Variants in TOPBP1 observed in about 807,000 individuals in gnomAD.
TOPBP1 encodes the protein DNA topoisomerase 2-binding protein 1.
Under a neutral mutation model 167.7 loss-of-function variants are expected in TOPBP1, and 28 were observed. The ratio of observed to expected loss-of-function variants is 0.17; its 90% confidence interval spans 0.12 to 0.23. The LOEUF (loss-of-function observed/expected upper bound fraction) is 0.23. Among genes scored for constraint, TOPBP1 ranks in the 10% least tolerant of loss-of-function variants. TOPBP1 has a pLI of 1.00. For synonymous variants in TOPBP1, 598 were observed against 611.4 expected, an observed-to-expected ratio of 0.98 and a Z score of 0.32; for missense variants, 1,554 against 1,809.6, an observed-to-expected ratio of 0.86 and a Z score of 2.56.
chr3:133,660,329 A>G (rs1936649175), intron 2 of TOPBP1, among the ~76,000 whole-genome samples: 1 of 152,144 alleles, frequency 6.6e-6, no homozygotes, highest in Non-Finnish European at 1.5e-5. Flanking sequence ...ATCATGTCTG[A>G]TTAGTGTCTA....
chr3:133,634,242 C>T (rs961097339), intron 14 of TOPBP1, among the ~76,000 whole-genome samples: 3 of 152,228 alleles, frequency 2.0e-5, no homozygotes, highest in Non-Finnish European at 2.9e-5. Context: ...GGTGTTGTGG[C>T]TCATGCCTGT....
chr3:133,625,947 G>C (rs1935252743), intron 16 of TOPBP1, among the ~76,000 whole-genome samples: 1 of 152,130 alleles, frequency 6.6e-6, no homozygotes, highest in Non-Finnish European at 1.5e-5. Context: ...ATTTTTGCCT[G>C]AATCAATTTG....
chr3:133,638,107 T>C lies in TOPBP1; in HGVS notation c.2289A>G (p.Ala763=). The part of the protein sequence containing the change: ...TNGINLNSDT[A]EHPGTRLQTH... ...TTTGCAGGCGTGTGCCAGGATGCTC[T>C]GCAGTATCTGAATTTAGATTGATTC... Residue 763 remains alanine (A), a synonymous_variant, in exon 14 of 28, where the codon GCA becomes GCG. Coordinates refer to ENST00000260810, the MANE Select transcript of TOPBP1 (RefSeq NM_007027.4). 6.2e-7 allele frequency: 1 copy of C among 1,614,024 alleles called. No homozygotes were observed. Among genetic ancestry groups the C allele is most frequent in the Non-Finnish European group, 8.5e-7 (1 of 1,179,874 alleles).
At chr3:133,633,726 G>C (rs142764485) in intron 14 of TOPBP1, among the ~76,000 whole-genome samples, 1 of 152,294 alleles carries the variant, frequency 6.6e-6, no homozygotes, top group East Asian at 1.9e-4. Flanking sequence ...CAGAGGTCAA[G>C]GCTATAATGG....
At position 133,635,333 on chromosome 3, in the gene TOPBP1, A is replaced by G. The variant is rs542757730; in HGVS notation, c.2520+2543T>C. Among the ~76,000 whole-genome samples the G allele has an allele frequency of 9.8e-5, 15 of 152,310 alleles. No individual in the cohort carries two copies. The South Asian group carries it at 2.9e-3, about 29-fold the overall frequency. On this transcript the variant is annotated intron_variant, in intron 14 of 27. Coordinates refer to ENST00000260810, the MANE Select transcript of TOPBP1 (RefSeq NM_007027.4). ...CAGTGGTAGGATGATAGCTCACTGC[A>G]GCCTCAAACTCCTGGGCTCAAGCCA...
At chr3:133,658,009 T>A (rs1936539842) in intron 3 of TOPBP1, 68 bp from the exon 4 acceptor site, 1 of 1,305,224 alleles carries the variant, frequency 7.7e-7, no homozygotes, top group Non-Finnish European at 1.0e-6. Flanking sequence ...AAATTACATT[T>A]TGTAACATTC....
intron 14 of TOPBP1, 26 bp downstream of exon 14, chr3:133,637,850 C>T (rs761111432): frequency 6.2e-7 from 1 of 1,608,220 alleles, no homozygotes; most frequent in South Asian, 1.1e-5. Flanking sequence ...ACTGTTAACT[C>T]TGGGACCACT....
rs747101033 is a variant in TOPBP1 at position 133,623,343 on chromosome 3, G to A, written c.3043C>T (p.Leu1015Phe). The change falls in exon 18 of 28, where the codon CTC becomes TTC. Residue 1015 changes from leucine (L) to phenylalanine (F), a missense_variant. Physicochemically the swap from Leu to Phe is conservative, Grantham distance 22. This residue lies in a region of TOPBP1 where 1,197 missense variants were observed against 1,351.5 expected (regional missense o/e 0.89). Transcript: ENST00000260810. The stretch of plus-strand genomic sequence containing the variant: ...TCCTTTGTTGAAGACACAGCTGAGA[G>A]TAGTCGACTATTACAGAGCCGGCCA... ...QDGRLCNSRL[L>F]SAVSSTKDDE... 1.2e-6 allele frequency: 2 copies of A among 1,613,712 alleles called. No individual in the cohort carries two copies. Among genetic ancestry groups the A allele is most frequent in the East Asian group, 2.2e-5 (1 of 44,844 alleles).
rs771091784 is a variant in TOPBP1 at position 133,617,277 on chromosome 3, T to G, written c.3642A>C (p.Pro1214=). ...NIRVTEAPKH[P]ISEELETPIK... Reference sequence around the variant, plus strand: ...TGGGAGTTTCCAGTTCTTCAGAGATTGGGTGTTTGGGAGCTTCAGTCACAC... The same window carrying G: ...TGGGAGTTTCCAGTTCTTCAGAGATGGGGTGTTTGGGAGCTTCAGTCACAC... The change falls in exon 22 of 28, where the codon CCA becomes CCC. Residue 1214 remains proline (P), a synonymous_variant. Transcript: ENST00000260810. 6.2e-7 allele frequency: 1 copy of G among 1,613,562 alleles called. No individual in the cohort carries two copies. Among genetic ancestry groups the G allele is most frequent in the Non-Finnish European group, 8.5e-7 (1 of 1,179,760 alleles).
chr3:133,652,963 A>G (rs3772680), intron 7 of TOPBP1, among the ~76,000 whole-genome samples: 60,772 of 152,090 alleles, frequency 0.4, 12,725 homozygotes, highest in East Asian at 0.54. Flanking sequence ...TACAAAATAG[A>G]AATGGTTTTA....
Position 133,638,111 on chromosome 3 carries a change from G to A in TOPBP1, c.2285C>T (p.Thr762Ile). 3 of 1,614,000 alleles carry A rather than the reference G, an allele frequency of 1.9e-6. No homozygotes were observed. The highest frequency in any genetic ancestry group is 2.5e-6 in the Non-Finnish European group (3 of 1,179,874). ...ITNGINLNSD[T>I]AEHPGTRLQT... ...CAGGCGTGTGCCAGGATGCTCTGCA[G>A]TATCTGAATTTAGATTGATTCCATT... Residue 762 changes from threonine to isoleucine, a missense_variant, in exon 14 of 28, where the codon ACT becomes ATT. Coordinates refer to ENST00000260810, the MANE Select transcript of TOPBP1 (RefSeq NM_007027.4).
At chr3:133,609,012 T>C in intron 25 of TOPBP1, 50 bp from the exon 26 acceptor site, 1 of 1,351,640 alleles carries the variant, frequency 7.4e-7, no homozygotes, top group Non-Finnish European at 1.0e-6. Flanking sequence ...AATAACAAAA[T>C]AATACAGATA....
intron 27 of TOPBP1, among the ~76,000 whole-genome samples, chr3:133,605,077 T>C (rs1934444924): frequency 6.6e-6 from 1 of 151,662 alleles, no homozygotes; most frequent in Non-Finnish European, 1.5e-5. Context: ...CGTGCGCTTG[T>C]AGTCCCAGCT....
rs749882525 is a variant in TOPBP1 at position 133,601,351 on chromosome 3, T to C, written c.4468A>G (p.Ile1490Val). Residue 1490 changes from isoleucine to valine, a missense_variant, in exon 28 of 28, where the codon ATT (isoleucine) becomes GTT (valine). Around this residue, in one of 3 missense-constraint regions of TOPBP1, gnomAD observed 351 missense variants for 432.9 expected, o/e 0.81. Coordinates refer to ENST00000260810, the MANE Select transcript of TOPBP1 (RefSeq NM_007027.4). The part of the protein sequence containing the change: ...HVENYCLPEA[I>V]SFIQNNKELG... ...TCCTTATTATTCTGAATAAATGAAATAGCTTCTGGTAGACAGTAATTTTCT... is the reference window on the plus strand; with the variant it reads ...TCCTTATTATTCTGAATAAATGAAACAGCTTCTGGTAGACAGTAATTTTCT... 2.5e-6 allele frequency: 4 copies of C among 1,576,042 alleles called. No individual in the cohort carries two copies. The highest frequency in any genetic ancestry group is 1.4e-5 in the African/African-American group (1 of 73,228).
chr3:133,623,242 G>A, intron 18 of TOPBP1, 49 bp from the exon 19 acceptor site: 1 of 1,611,586 alleles, frequency 6.2e-7, no homozygotes, highest in Non-Finnish European at 8.5e-7. Context: ...CACTGTATAA[G>A]GTTTCATAGC....
intron 10 of TOPBP1, among the ~76,000 whole-genome samples, chr3:133,645,805 A>C (rs142662472): frequency 9.1e-4 from 138 of 152,222 alleles, no homozygotes; most frequent in African/African-American, 3.2e-3. Flanking sequence ...TTTCAAACAG[A>C]CCGCACCCAA....
intron 11 of TOPBP1, among the ~76,000 whole-genome samples, chr3:133,643,777 A>C (rs1935978691): frequency 6.6e-6 from 1 of 152,034 alleles, no homozygotes; most frequent in Non-Finnish European, 1.5e-5. Flanking sequence ...ATGACCCTAG[A>C]GTGACCTCCT....
In TOPBP1 at chr3:133,655,431, G is replaced by A. The variant is rs374437816; in HGVS notation, c.601C>T (p.Leu201Phe). ...CCAGTCACACAGATTATGCAACCAA[G>A]AAAAATAGGACACTTGAAATCTTCC... ...NMEDFKCPIF[L>F]GCIICVTGLC... Residue 201 changes from leucine (L) to phenylalanine (F), a missense_variant, in exon 6 of 28, where the codon CTT becomes TTT. Coordinates refer to ENST00000260810, the MANE Select transcript of TOPBP1 (RefSeq NM_007027.4). The A allele has an allele frequency of 5.0e-4, 796 of 1,597,220 alleles. 12 individuals are homozygous for A. The South Asian group carries it at 8.3e-3, about 17-fold the overall frequency.
chr3:133,616,286 A>T (rs1025390011), intron 23 of TOPBP1, among the ~76,000 whole-genome samples: 5 of 151,704 alleles, frequency 3.3e-5, no homozygotes, highest in African/African-American at 9.7e-5. Flanking sequence ...CGTCTCGCAA[A>T]TTTTTTTGTA....
Sources: allele counts gnomAD v4.1 joint callset (sites outside exome capture counted in the v4.1 genomes callset), GRCh38; gene constraint gnomAD v4.1.1; regional missense constraint gnomAD v4.1.1; transcripts MANE v1.5; gene names NCBI Gene and HGNC (gene_info 2026-07-23, HGNC 2026-07-21).